Variants in TM9SF2 observed in about 807,000 individuals in gnomAD.
TM9SF2 encodes 76 kDa membrane protein.
TM9SF2 carries 13 observed loss-of-function variants against 84.9 expected under a neutral mutation model. The observed-to-expected ratio is 0.15, with a 90% confidence interval of 0.10 to 0.24. TM9SF2 has a LOEUF of 0.24. Among genes scored for constraint, TM9SF2 ranks in the 10% least tolerant of loss-of-function variants. TM9SF2 has a pLI of 1.00. For synonymous variants in TM9SF2, 273 were observed against 285.8 expected, an observed-to-expected ratio of 0.96 and a Z score of 0.45; for missense variants, 562 against 818.5, an observed-to-expected ratio of 0.69 and a Z score of 3.82.
intron 1 of TM9SF2, 139 bp downstream of exon 1, chr13:99,501,916 G>A (rs934475124): frequency 8.1e-7 from 1 of 1,232,922 alleles, no homozygotes; most frequent in Non-Finnish European, 1.1e-6. Flanking sequence ...AAGCTTTTGG[G>A]GTCTGCTGGG....
At chr13:99,540,525 C>G (rs891375614) in intron 7 of TM9SF2, 189 bp from the exon 8 acceptor site, 3 of 181,198 alleles carry the variant, frequency 1.7e-5, no homozygotes, top group Admixed American at 1.7e-4. Context: ...GTTGCATAAT[C>G]TTACTCTGAT....
intron 1 of TM9SF2, among the ~76,000 whole-genome samples, chr13:99,512,047 G>C (rs1402324512): frequency 1.3e-5 from 2 of 152,236 alleles, no homozygotes; most frequent in Non-Finnish European, 2.9e-5. Context: ...ATAAGGTTCA[G>C]AAGGCTGACT....
At chr13:99,520,776 G>T (rs2046156214) in intron 3 of TM9SF2, among the ~76,000 whole-genome samples, 1 of 152,126 alleles carries the variant, frequency 6.6e-6, no homozygotes, top group African/African-American at 2.4e-5. Flanking sequence ...CAACATATTG[G>T]TCAGGCTGGT....
intron 1 of TM9SF2, among the ~76,000 whole-genome samples, chr13:99,512,805 A>G (rs549988351): frequency 1.3e-5 from 2 of 152,312 alleles, no homozygotes; most frequent in East Asian, 1.9e-4. Context: ...TTAAGGGCTG[A>G]GTGAGGTGGA....
At chr13:99,522,844 C>G (rs976311185) in intron 3 of TM9SF2, among the ~76,000 whole-genome samples, 25 of 152,338 alleles carry the variant, frequency 1.6e-4, no homozygotes, top group African/African-American at 6.0e-4. Context: ...TGTTTCTGTG[C>G]AAGGACTGTT....
chr13:99,505,773 G>A (rs2046086292), intron 1 of TM9SF2, among the ~76,000 whole-genome samples: 1 of 152,212 alleles, frequency 6.6e-6, no homozygotes, highest in African/African-American at 2.4e-5. Context: ...ATCTTAGTGT[G>A]CCGAGTGGCA....
intron 10 of TM9SF2, among the ~76,000 whole-genome samples, chr13:99,546,211 A>G (rs904336076): frequency 1.3e-5 from 2 of 152,144 alleles, no homozygotes; most frequent in African/African-American, 2.4e-5. Context: ...AGGGGAAACA[A>G]TAGGGGGGGA....
At chr13:99,502,971 G>A (rs2046073093) in intron 1 of TM9SF2, among the ~76,000 whole-genome samples, 1 of 152,146 alleles carries the variant, frequency 6.6e-6, no homozygotes, top group African/African-American at 2.4e-5. Context: ...TTATACATCT[G>A]TGCAAAACCT....
chr13:99,506,283 TAAAG>T (rs972687197), intron 1 of TM9SF2, among the ~76,000 whole-genome samples: 17 of 152,144 alleles, frequency 1.1e-4, no homozygotes, highest in African/African-American at 3.9e-4. Context: ...TTGAAATACT[TAAAG>T]AAAAAAAATC....
At chr13:99,529,676 T>C in intron 4 of TM9SF2, 82 bp downstream of exon 4, 1 of 1,328,790 alleles carries the variant, frequency 7.5e-7, no homozygotes. Context: ...AATTACTTGA[T>C]TGTGTAAAAT....
At chr13:99,537,065 A>G (rs376033127) in intron 5 of TM9SF2, among the ~76,000 whole-genome samples, 2 of 152,336 alleles carry the variant, frequency 1.3e-5, no homozygotes, top group African/African-American at 4.8e-5. Flanking sequence ...AGGCTTCATT[A>G]TAAGTTAACT....
chr13:99,542,526 A>G (rs1379822608), intron 9 of TM9SF2, among the ~76,000 whole-genome samples: 1 of 152,168 alleles, frequency 6.6e-6, no homozygotes, highest in Non-Finnish European at 1.5e-5. Flanking sequence ...TTTCACAAGA[A>G]TCACAGTAAT....
At chr13:99,523,499 A>G (rs2046169273) in intron 3 of TM9SF2, among the ~76,000 whole-genome samples, 1 of 152,220 alleles carries the variant, frequency 6.6e-6, no homozygotes, top group Non-Finnish European at 1.5e-5. Context: ...AACCAGCAAC[A>G]AAATAAAATC....
At chr13:99,522,938 TAAAAGG>T (rs2046166814) in intron 3 of TM9SF2, among the ~76,000 whole-genome samples, 1 of 152,184 alleles carries the variant, frequency 6.6e-6, no homozygotes, top group African/African-American at 2.4e-5. Flanking sequence ...TTAAATATAA[TAAAAGG>T]AGAGCTTTAG....
chr13:99,539,385 T>G (rs1265677612), intron 6 of TM9SF2, 61 bp from the exon 7 acceptor site: 2 of 1,009,278 alleles, frequency 2.0e-6, no homozygotes, highest in African/African-American at 3.2e-5. Flanking sequence ...TCTGTAACCT[T>G]TACCTCATTT....
intron 14 of TM9SF2, 87 bp from the exon 15 acceptor site, chr13:99,555,449 T>C (rs2046321499): frequency 9.6e-7 from 1 of 1,041,532 alleles, no homozygotes; most frequent in Admixed American, 2.3e-5. Flanking sequence ...GCAAACCTTT[T>C]CAGTTCAAGA....
chr13:99,551,212 TA>T (rs1204725928), intron 12 of TM9SF2, among the ~76,000 whole-genome samples: 2 of 152,192 alleles, frequency 1.3e-5, no homozygotes, highest in Non-Finnish European at 1.5e-5. Flanking sequence ...CCTACAAGAT[TA>T]TTAACTCGAA....
chr13:99,557,904 T>G (rs1304600170), intron 15 of TM9SF2, among the ~76,000 whole-genome samples: 1 of 152,190 alleles, frequency 6.6e-6, no homozygotes, highest in Non-Finnish European at 1.5e-5. Context: ...ATTGCCAAAT[T>G]CAAGGTTATG....
chr13:99,515,769 G>C lies in TM9SF2; in HGVS notation c.172-1845G>C, dbSNP rs568623765. On this transcript the variant is annotated intron_variant, in intron 1 of 16. Transcript: ENST00000376387. ...TTTTTTTGAAACGGAGTTTCGCTCT[G>C]TTGCCCAGGCTGGAGTGTAGTGGTG... Among the ~76,000 whole-genome samples, 4 of 132,990 alleles carry C rather than the reference G, an allele frequency of 3.0e-5. No individual in the cohort carries two copies. In the South Asian group the frequency reaches 9.0e-4, roughly 30 times the overall value. The allele number at this position is 132,990 out of a possible 152,430, so 87.2% of individuals were successfully genotyped here.
Sources: allele counts gnomAD v4.1 joint callset (sites outside exome capture counted in the v4.1 genomes callset), GRCh38; gene constraint gnomAD v4.1.1; transcripts MANE v1.5; gene names NCBI Gene and HGNC (gene_info 2026-07-23, HGNC 2026-07-21).